CERT1: variants seen among roughly 807,000 people sequenced by gnomAD.
The protein encoded by CERT1 is ceramide transporter 1.
Under a neutral mutation model 87.9 loss-of-function variants are expected in CERT1, and 31 were observed. The observed-to-expected ratio is 0.35, with a 90% CI of 0.27 to 0.48. The LOEUF is 0.48. Ranked by LOEUF, CERT1 falls within the 20% of genes least tolerant of loss-of-function variation. The probability of loss-of-function intolerance (pLI) is 0.99; values close to 1 mark genes in which losing one functional copy is unlikely to be tolerated. For synonymous variants in CERT1, 289 were observed against 250.9 expected (o/e 1.15, Z -1.44); for missense variants, 487 against 758.0 (o/e 0.64, Z 4.20).
intron 2 of CERT1, among the ~76,000 whole-genome samples, chr5:75,478,909 T>TAAAAAAA (rs11438163): frequency 6.9e-4 from 15 of 21,764 alleles, no homozygotes; most frequent in East Asian, 1.2e-3. Flanking sequence ...AAGTAAGTAC[T>TAAAAAAA]AAAAAAAAAA....
Position 75,459,106 on chromosome 5 carries a change from C to A in CERT1, c.307G>T (p.Asp103Tyr). The A allele has an allele frequency of 6.2e-7, 1 of 1,612,622 alleles. No individual in the cohort carries two copies. The highest frequency in any genetic ancestry group is 8.5e-7 in the Non-Finnish European group (1 of 1,178,704). The change falls in exon 3 of 17, where the codon GAT becomes TAT. Residue 103 changes from aspartate (D) to tyrosine (Y), a missense_variant. Asp to Tyr is a radical substitution (Grantham distance 160). This residue lies in a region of CERT1 where 173 missense variants were observed against 302.2 expected (regional missense o/e 0.57). Transcript: ENST00000643780. ...GCATCTATCCATTGCTGTCTATGAT[C>A]TGGATCCTGAGCACGAAGATACCAA... ...SVWYLRAQDP[D>Y]HRQQWIDAIE...
intron 11 of CERT1, among the ~76,000 whole-genome samples, chr5:75,396,542 C>T (rs1413271110): frequency 6.6e-6 from 1 of 151,846 alleles, no homozygotes; most frequent in Non-Finnish European, 1.5e-5. Flanking sequence ...GCCTGGCCAA[C>T]ATGGTGAAAC....
chr5:75,390,251 AC>A (rs1476205822), intron 11 of CERT1, among the ~76,000 whole-genome samples: 1 of 152,080 alleles, frequency 6.6e-6, no homozygotes, highest in African/African-American at 2.4e-5. Flanking sequence ...AAGGTGAAAA[AC>A]CTTTCTTATG....
intron 3 of CERT1, among the ~76,000 whole-genome samples, chr5:75,449,540 T>A (rs935669910): frequency 2.6e-5 from 4 of 152,198 alleles, no homozygotes; most frequent in Non-Finnish European, 2.9e-5. Flanking sequence ...TCAATACTTG[T>A]GAGAGCTTCA....
At chr5:75,471,083 T>C (rs1468962274) in intron 2 of CERT1, among the ~76,000 whole-genome samples, 2 of 152,094 alleles carry the variant, frequency 1.3e-5, no homozygotes, top group Non-Finnish European at 2.9e-5. Context: ...AAGAAAGAAA[T>C]AGAAGACAAA....
intron 7 of CERT1, 150 bp downstream of exon 7, chr5:75,416,726 G>T: frequency 1.8e-6 from 1 of 548,476 alleles, no homozygotes; most frequent in East Asian, 3.2e-5. Flanking sequence ...AATGAGTTTA[G>T]GATGCCCATA....
At chr5:75,393,741 G>A (rs1015140229) in intron 11 of CERT1, among the ~76,000 whole-genome samples, 8 of 151,198 alleles carry the variant, frequency 5.3e-5, no homozygotes, top group Non-Finnish European at 8.8e-5. Context: ...TGAGGCACGC[G>A]GACCACGAGG....
chr5:75,455,012 G>C (rs1764920856), intron 3 of CERT1, among the ~76,000 whole-genome samples: 1 of 152,166 alleles, frequency 6.6e-6, no homozygotes. Flanking sequence ...ACCAAAAAAA[G>C]GTCATGGTCA....
chr5:75,374,769 C>G, downstream of CERT1: 1 of 549,658 alleles, frequency 1.8e-6, no homozygotes, highest in Non-Finnish European at 3.5e-6. Flanking sequence ...CAATTTAGAC[C>G]TGCGGGTGCT....
intron 2 of CERT1, among the ~76,000 whole-genome samples, chr5:75,489,725 T>C (rs1433485899): frequency 1.3e-5 from 2 of 152,140 alleles, no homozygotes; most frequent in Non-Finnish European, 2.9e-5. Context: ...CATTAAAAAG[T>C]CAGGAAACAA....
intron 5 of CERT1, 119 bp from the exon 6 acceptor site, chr5:75,419,543 T>A: frequency 1.5e-6 from 1 of 684,068 alleles, no homozygotes; most frequent in Non-Finnish European, 2.5e-6. Flanking sequence ...GTCTTACTCA[T>A]CTTTGTATTT....
chr5:75,428,364 ACT>A (rs1763710615), intron 3 of CERT1, among the ~76,000 whole-genome samples: 1 of 151,976 alleles, frequency 6.6e-6, no homozygotes, highest in Admixed American at 6.6e-5. Context: ...AAAAGAGGAG[ACT>A]CTGAACACAC....
intron 11 of CERT1, among the ~76,000 whole-genome samples, chr5:75,396,846 T>C (rs1762278903): frequency 6.6e-6 from 1 of 152,092 alleles, no homozygotes; most frequent in East Asian, 1.9e-4. Flanking sequence ...CAAAAGTCTC[T>C]ATAGGGTGTG....
intron 8 of CERT1, among the ~76,000 whole-genome samples, chr5:75,405,145 T>TA (rs975778375): frequency 2.6e-5 from 4 of 151,924 alleles, no homozygotes; most frequent in East Asian, 1.9e-4. Context: ...AAAGGGACTT[T>TA]AAAAAAAACC....
intron 2 of CERT1, among the ~76,000 whole-genome samples, chr5:75,487,858 GACT>G (rs1156506641): frequency 4.6e-5 from 7 of 151,984 alleles, no homozygotes; most frequent in African/African-American, 1.7e-4. Context: ...ATACACAATG[GACT>G]ACTATTGAGC....
At chr5:75,382,146 A>G in intron 14 of CERT1, 69 bp from the exon 15 acceptor site, 1 of 1,437,382 alleles carries the variant, frequency 7.0e-7, no homozygotes, top group South Asian at 1.3e-5. Context: ...CGTAATGCCA[A>G]TAAATGTCTT....
chr5:75,499,089 A>G (rs1250288596), intron 2 of CERT1, among the ~76,000 whole-genome samples: 1 of 152,182 alleles, frequency 6.6e-6, no homozygotes, highest in Non-Finnish European at 1.5e-5. Flanking sequence ...CATTTGGAAT[A>G]GGTGTATTTA....
At position 75,511,396 on chromosome 5, in the gene CERT1, G is replaced by A. The variant is rs1336996604; in HGVS notation, c.-189C>T. The A allele has an allele frequency of 1.3e-6, 2 of 1,545,912 alleles. No individual in the cohort carries two copies. Among genetic ancestry groups the A allele is most frequent in the East Asian group, 2.4e-5 (1 of 40,868 alleles). On this transcript the variant is annotated 5_prime_UTR_variant, in exon 1 of 17. Transcript: ENST00000643780. ...CGCCGCGCCTGACACCGAGCGGAGC[G>A]AGGAAGGAGGACGAGCGGTGAAGGA... is the stretch of plus-strand genomic sequence containing the variant.
At chr5:75,425,532 A>T (rs777610859) in intron 4 of CERT1, 33 bp from the exon 5 acceptor site, 4 of 1,606,380 alleles carry the variant, frequency 2.5e-6, no homozygotes, top group Non-Finnish European at 3.4e-6. Flanking sequence ...ATGTAATTCA[A>T]GTAAAACAAA....
Sources: gnomAD v4.1 joint callset for allele counts (sites outside exome capture counted in the v4.1 genomes callset) on GRCh38, gnomAD v4.1.1 for gene constraint, gnomAD v4.1.1 regional missense constraint, MANE v1.5 for transcripts, NCBI Gene and HGNC (gene_info 2026-07-23, HGNC 2026-07-21) for gene names.